Variants in CRB1 observed in about 807,000 individuals in gnomAD.
CRB1 encodes the protein protein crumbs homolog 1.
In CRB1, 83 loss-of-function variants were observed where a neutral mutation model predicts 120.0. That is an observed-to-expected ratio of 0.69 (90% confidence interval 0.58 to 0.83). The LOEUF (loss-of-function observed/expected upper bound fraction) is 0.83. CRB1 is among the 40% of genes least tolerant of loss of function. The probability of loss-of-function intolerance (pLI) is 0.00; values close to 1 mark genes in which losing one functional copy is unlikely to be tolerated. For missense variants in CRB1, 1,699 were observed against 1,687.6 expected (o/e 1.01, Z -0.12); for synonymous variants, 625 against 612.5 (o/e 1.02, Z -0.30).
chr1:197,363,246 G>GGATACT lies in CRB1; in HGVS notation c.1171+6234_1171+6239dup, dbSNP rs1397410397. 2.6e-5 allele frequency among the ~76,000 whole-genome samples: 4 copies of GGATACT among 151,734 alleles called. No individual in the cohort carries two copies. The East Asian group carries it at 7.8e-4, about 29-fold the overall frequency. On this transcript the variant is annotated intron_variant, in intron 5 of 11. Coordinates refer to ENST00000367400, the MANE Select transcript of CRB1 (RefSeq NM_201253.3). Reference sequence around the variant, plus strand: ...TAATTTAGAAAACTCATGAAAAGAAGGATACTCCATTGTGTTTACTTATGT... The same window carrying GGATACT: ...TAATTTAGAAAACTCATGAAAAGAAGGATACTGATACTCCATTGTGTTTACTTATGT...
At chr1:197,310,369 T>A (rs1277195334) in intron 1 of CRB1, among the ~76,000 whole-genome samples, 1 of 152,126 alleles carries the variant, frequency 6.6e-6, no homozygotes, top group Non-Finnish European at 1.5e-5. Context: ...CTATGCAGAA[T>A]GTTGTGGCAC....
chr1:197,265,798 C>G (rs1261238158), upstream of CRB1, among the ~76,000 whole-genome samples: 1 of 152,170 alleles, frequency 6.6e-6, no homozygotes, highest in Non-Finnish European at 1.5e-5. Flanking sequence ...TGCTTTAGTT[C>G]AGTCCCTTAT....
chr1:197,274,922 A>G (rs1234019418), intron 1 of CRB1, among the ~76,000 whole-genome samples: 1 of 152,080 alleles, frequency 6.6e-6, no homozygotes, highest in East Asian at 1.9e-4. Context: ...GGCTTAAAGC[A>G]ACATAAATGT....
chr1:197,328,492 T>A lies in CRB1; in HGVS notation c.141T>A (p.Asp47Glu). ...GCCAAAACAATTCTACATGCAAAGATTTTTCAAAAGACAATGATTGTTCTT... is the reference window on the plus strand; with the variant it reads ...GCCAAAACAATTCTACATGCAAAGAATTTTCAAAAGACAATGATTGTTCTT... ...NSCQNNSTCK[D>E]FSKDNDCSCS... Residue 47 changes from aspartate (D) to glutamate (E), a missense_variant, in exon 2 of 12, where the codon GAT (aspartate) becomes GAA (glutamate). Physicochemically the swap from Asp to Glu is conservative, Grantham distance 45 (BLOSUM62 2). Transcript: ENST00000367400. 1 of 1,614,228 alleles carries A rather than the reference T, an allele frequency of 6.2e-7. No individual in the cohort carries two copies. The highest frequency in any genetic ancestry group is 8.5e-7 in the Non-Finnish European group (1 of 1,180,042).
At chr1:197,245,280 T>G in the CRB1 span, among the ~76,000 whole-genome samples, 1 of 152,006 alleles carries the variant, frequency 6.6e-6, no homozygotes, top group African/African-American at 2.4e-5. Flanking sequence ...TTAAAAATTT[T>G]TTTCACTTCA....
chr1:197,359,706 T>C (rs1215383697), intron 5 of CRB1, among the ~76,000 whole-genome samples: 1 of 152,168 alleles, frequency 6.6e-6, no homozygotes, highest in African/African-American at 2.4e-5. Context: ...CCATTTTGCA[T>C]TCCCACCAGC....
chr1:197,429,095 C>A (rs1415277123), intron 7 of CRB1: 2 of 1,508,698 alleles, frequency 1.3e-6, no homozygotes, highest in Non-Finnish European at 8.9e-7. Context: ...TTTTTATCAT[C>A]TATAAAACCA....
chr1:197,363,774 G>A (rs566390408), intron 5 of CRB1: 1 of 647,682 alleles, frequency 1.5e-6, no homozygotes, highest in South Asian at 1.7e-5. Context: ...GCCTGGCAAC[G>A]GGTCTTTGTG....
intron 11 of CRB1, among the ~76,000 whole-genome samples, chr1:197,474,495 C>A (rs1274059343): frequency 1.3e-5 from 2 of 152,114 alleles, no homozygotes; most frequent in Admixed American, 1.3e-4. Flanking sequence ...CCTCAGGAGT[C>A]CCAAAATATG....
the CRB1 span, among the ~76,000 whole-genome samples, chr1:197,236,104 T>C: frequency 6.6e-6 from 1 of 152,098 alleles, no homozygotes; most frequent in Non-Finnish European, 1.5e-5. Flanking sequence ...GAAAATAGAC[T>C]GTAGGATTAT....
intron 5 of CRB1, among the ~76,000 whole-genome samples, chr1:197,359,333 A>C (rs536447163): frequency 4.0e-5 from 6 of 151,800 alleles, no homozygotes; most frequent in African/African-American, 1.2e-4. Context: ...GCAATATGTA[A>C]AGTTTTAGAA....
At chr1:197,423,940 C>A (rs1664456578) in intron 6 of CRB1, among the ~76,000 whole-genome samples, 2 of 152,140 alleles carry the variant, frequency 1.3e-5, no homozygotes, top group Admixed American at 6.5e-5. Flanking sequence ...GTTCTCTCAG[C>A]ATATCTTGTG....
intron 1 of CRB1, among the ~76,000 whole-genome samples, chr1:197,326,580 G>A (rs1055205513): frequency 2.6e-5 from 4 of 152,020 alleles, no homozygotes; most frequent in Non-Finnish European, 2.9e-5. Context: ...GCAGTGAGCT[G>A]AGATCATGCT....
chr1:197,421,867 C>A lies in CRB1; in HGVS notation c.2039C>A (p.Pro680His), dbSNP rs767896959. The change falls in exon 6 of 12, where the codon CCT becomes CAT. Residue 680 changes from proline (P) to histidine (H), a missense_variant. By Grantham distance (77) the Pro-to-His change is moderately conservative. Coordinates refer to ENST00000367400, the MANE Select transcript of CRB1 (RefSeq NM_201253.3). ...CVRKDWCESQ[P>H]CQSRGRCINL... ...AGAAAGGATTGGTGTGAAAGCCAAC[C>A]TTGTCAAAGCAGAGGACGCTGCATC... The A allele has an allele frequency of 1.2e-6, 2 of 1,614,204 alleles. No individual in the cohort carries two copies. Among genetic ancestry groups the A allele is most frequent in the South Asian group, 2.2e-5 (2 of 91,084 alleles).
At chr1:197,474,334 G>A (rs1163039331) in intron 11 of CRB1, among the ~76,000 whole-genome samples, 1 of 152,188 alleles carries the variant, frequency 6.6e-6, no homozygotes, top group Non-Finnish European at 1.5e-5. Flanking sequence ...ATCAAACCCA[G>A]GTCTCTGCCT....
intron 1 of CRB1, among the ~76,000 whole-genome samples, chr1:197,283,245 CT>C (rs935721116): frequency 1.5e-4 from 23 of 149,554 alleles, no homozygotes; most frequent in African/African-American, 4.4e-4. Flanking sequence ...ATTTTTTTTT[CT>C]TTTTTTTTCC....
intron 5 of CRB1, among the ~76,000 whole-genome samples, chr1:197,373,701 T>G (rs1661496388): frequency 6.6e-6 from 1 of 152,100 alleles, no homozygotes; most frequent in Admixed American, 6.6e-5. Context: ...GTCAGAAATC[T>G]TCAGGATTGG....
chr1:197,312,306 G>A (rs113391878), intron 1 of CRB1, among the ~76,000 whole-genome samples: 7 of 152,192 alleles, frequency 4.6e-5, no homozygotes, highest in Non-Finnish European at 8.8e-5. Context: ...GCTCATGCCT[G>A]TAATCCCAGC....
intron 1 of CRB1, among the ~76,000 whole-genome samples, chr1:197,324,171 T>C (rs1360022211): frequency 6.6e-6 from 1 of 152,176 alleles, no homozygotes; most frequent in East Asian, 1.9e-4. Context: ...GTATTAATTG[T>C]GGTTGATGAT....
Sources: gnomAD v4.1 joint callset for allele counts (sites outside exome capture counted in the v4.1 genomes callset) on GRCh38, gnomAD v4.1.1 for gene constraint, MANE v1.5 for transcripts, NCBI Gene and HGNC (gene_info 2026-07-23, HGNC 2026-07-21) for gene names.